PPP1R12B: variants seen among roughly 807,000 people sequenced by gnomAD.
PPP1R12B encodes the protein myosin phosphatase target subunit 2.
PPP1R12B carries 76 observed loss-of-function variants against 126.1 expected under a neutral mutation model. That is an observed-to-expected ratio of 0.60 (90% CI 0.50 to 0.73). The LOEUF (loss-of-function observed/expected upper bound fraction) is 0.73. Ranked by LOEUF, PPP1R12B falls within the 30% of genes least tolerant of loss-of-function variation. The pLI, the probability that PPP1R12B is intolerant of heterozygous loss-of-function variation, is 0.00. For synonymous variants in PPP1R12B, 356 were observed against 434.7 expected (o/e 0.82, Z 2.25); for missense variants, 1,052 against 1,205.1 (o/e 0.87, Z 1.88).
intron 19 of PPP1R12B, among the ~76,000 whole-genome samples, chr1:202,561,462 AGAG>A (rs966747438): frequency 2.0e-5 from 3 of 151,870 alleles, no homozygotes; most frequent in Non-Finnish European, 4.4e-5. Context: ...GTAAGTATAG[AGAG>A]GAGGAGGAGT....
chr1:202,484,457 G>A (rs1195916919), intron 13 of PPP1R12B, among the ~76,000 whole-genome samples: 1 of 152,176 alleles, frequency 6.6e-6, no homozygotes, highest in Admixed American at 6.5e-5. Context: ...CTAATTGTAA[G>A]TGTCACGGGT....
intron 1 of PPP1R12B, among the ~76,000 whole-genome samples, chr1:202,372,188 A>G (rs1464526869): frequency 2.0e-5 from 3 of 151,768 alleles, no homozygotes; most frequent in Non-Finnish European, 4.4e-5. Flanking sequence ...TATATTTTCC[A>G]ATCAGTTTTT....
intron 1 of PPP1R12B, among the ~76,000 whole-genome samples, chr1:202,368,503 A>G (rs192563511): frequency 1.3e-5 from 2 of 152,272 alleles, no homozygotes; most frequent in Non-Finnish European, 2.9e-5. Context: ...TTATAGCAAC[A>G]CAAGAATAGC....
intron 13 of PPP1R12B, among the ~76,000 whole-genome samples, chr1:202,451,854 C>A (rs1365745530): frequency 6.6e-6 from 1 of 151,834 alleles, no homozygotes; most frequent in African/African-American, 2.4e-5. Flanking sequence ...GGCTGACCCC[C>A]ACCTCCCTTC....
intron 1 of PPP1R12B, among the ~76,000 whole-genome samples, chr1:202,365,116 A>G (rs913092013): frequency 1.3e-5 from 2 of 152,188 alleles, no homozygotes; most frequent in Admixed American, 6.5e-5. Context: ...GCTTTTGCAA[A>G]TATTTTAACA....
At chr1:202,388,868 T>G (rs1663604554) in intron 1 of PPP1R12B, among the ~76,000 whole-genome samples, 1 of 152,130 alleles carries the variant, frequency 6.6e-6, no homozygotes, top group Admixed American at 6.5e-5. Flanking sequence ...ATGAGGTGAG[T>G]CTTGACCTAC....
intron 13 of PPP1R12B, among the ~76,000 whole-genome samples, chr1:202,478,032 A>G (rs562089861): frequency 6.6e-6 from 1 of 152,280 alleles, no homozygotes; most frequent in East Asian, 1.9e-4. Flanking sequence ...GTTTTGTGAG[A>G]CTGTATCTGT....
At chr1:202,445,992 T>C (rs1672181125) in intron 12 of PPP1R12B, among the ~76,000 whole-genome samples, 1 of 152,074 alleles carries the variant, frequency 6.6e-6, no homozygotes, top group Non-Finnish European at 1.5e-5. Flanking sequence ...TGGTGCTTGA[T>C]TGATATTTGT....
intron 18 of PPP1R12B, among the ~76,000 whole-genome samples, chr1:202,510,435 T>C (rs1184466819): frequency 1.3e-5 from 2 of 152,314 alleles, no homozygotes; most frequent in African/African-American, 4.8e-5. Flanking sequence ...TCTTCCAAAG[T>C]GTTTCTTAAC....
chr1:202,422,787 AT>A, intron 3 of PPP1R12B, 49 bp downstream of exon 3: 2 of 1,610,022 alleles, frequency 1.2e-6, no homozygotes, highest in Non-Finnish European at 1.7e-6. Context: ...AAACACTGCC[AT>A]TTACAGAAAA....
At chr1:202,393,213 G>T (rs187261865) in intron 1 of PPP1R12B, among the ~76,000 whole-genome samples, 2 of 152,048 alleles carry the variant, frequency 1.3e-5, no homozygotes, top group African/African-American at 4.8e-5. Flanking sequence ...CTCCCAAAGC[G>T]CTGGGATTAC....
At chr1:202,509,233 G>T (rs1166829868) in intron 18 of PPP1R12B, among the ~76,000 whole-genome samples, 3 of 152,186 alleles carry the variant, frequency 2.0e-5, no homozygotes, top group Non-Finnish European at 2.9e-5. Flanking sequence ...GCAACAGTTT[G>T]TTGGGGAACA....
At chr1:202,436,662 G>C (rs1239837251) in intron 9 of PPP1R12B, among the ~76,000 whole-genome samples, 1 of 151,910 alleles carries the variant, frequency 6.6e-6, no homozygotes, top group African/African-American at 2.4e-5. Flanking sequence ...CTAGTTTATG[G>C]CAAAATGAGA....
At chr1:202,453,757 A>T (rs2148732380) in intron 13 of PPP1R12B, among the ~76,000 whole-genome samples, 1 of 150,840 alleles carries the variant, frequency 6.6e-6, no homozygotes, top group African/African-American at 2.4e-5. Flanking sequence ...GGAGATGTTG[A>T]GTTGGAAAAT....
At chr1:202,511,553 T>A (rs141916916) in intron 18 of PPP1R12B, among the ~76,000 whole-genome samples, 1 of 151,910 alleles carries the variant, frequency 6.6e-6, no homozygotes, top group Non-Finnish European at 1.5e-5. Flanking sequence ...ATTCCACCCT[T>A]CCCCCTGAGT....
chr1:202,473,024 CACT>C (rs1676143502), intron 13 of PPP1R12B, among the ~76,000 whole-genome samples: 1 of 152,206 alleles, frequency 6.6e-6, no homozygotes, highest in Admixed American at 6.5e-5. Context: ...GCAAACTCAG[CACT>C]CTTGACATTT....
intron 13 of PPP1R12B, among the ~76,000 whole-genome samples, chr1:202,463,705 G>A (rs1215962372): frequency 6.6e-6 from 1 of 152,150 alleles, no homozygotes; most frequent in Non-Finnish European, 1.5e-5. Context: ...ATGTGTATAA[G>A]ATGAGAAGTT....
Position 202,589,484 on chromosome 1 carries a change from C to T in PPP1R12B, c.*8924C>T, listed in dbSNP as rs1331177545. The T allele has an allele frequency of 6.6e-6, 1 of 152,254 alleles. No individual in the cohort carries two copies. The highest frequency in any genetic ancestry group is 1.5e-5 in the Non-Finnish European group (1 of 68,076). 9.4% of individuals were successfully genotyped at this position (152,254 alleles called of 1,614,324 possible). On this transcript the variant is annotated 3_prime_UTR_variant, in exon 24 of 24. Coordinates refer to ENST00000608999, the MANE Select transcript of PPP1R12B (RefSeq NM_002481.4). ...CATGGTTGAAGAATTCAGTCCTGTC[C>T]TGGGGCACAAAACAGAGGCAAAGAA...
chr1:202,531,506 A>G (rs574536856), intron 18 of PPP1R12B, among the ~76,000 whole-genome samples: 1 of 152,350 alleles, frequency 6.6e-6, no homozygotes, highest in East Asian at 1.9e-4. Flanking sequence ...TACCTTGCAT[A>G]GAATAAGAAC....
Sources: gnomAD v4.1 joint callset for allele counts (sites outside exome capture counted in the v4.1 genomes callset) on GRCh38, gnomAD v4.1.1 for gene constraint, MANE v1.5 for transcripts, NCBI Gene and HGNC (gene_info 2026-07-23, HGNC 2026-07-21) for gene names.